The following TBC1D8 variants were observed in gnomAD, a reference collection of about 807,000 sequenced individuals.
The protein encoded by TBC1D8 is TBC1 domain family member 8, also known as BUB2-like protein 1.
A neutral mutation model predicts 118.8 loss-of-function variants in TBC1D8; 65 were observed. The observed-to-expected ratio is 0.55, with a 90% CI of 0.45 to 0.67. The LOEUF (loss-of-function observed/expected upper bound fraction) is 0.67, where lower values mean the gene tolerates loss of function less well. TBC1D8 is among the 30% of genes least tolerant of loss of function. The probability of loss-of-function intolerance (pLI) is 0.00; values close to 1 mark genes in which losing one functional copy is unlikely to be tolerated. For missense variants in TBC1D8, 1,376 were observed against 1,471.2 expected, an observed-to-expected ratio of 0.94 and a Z score of 1.06; for synonymous variants, 566 against 595.8, an observed-to-expected ratio of 0.95 and a Z score of 0.73.
chr2:101,017,631 C>T (rs1679752294), intron 17 of TBC1D8, among the ~76,000 whole-genome samples: 1 of 152,210 alleles, frequency 6.6e-6, no homozygotes, highest in Admixed American at 6.5e-5. Context: ...CTTGGCAAAG[C>T]AGACCATGCT....
intron 1 of TBC1D8, among the ~76,000 whole-genome samples, chr2:101,112,462 G>C (rs775479465): frequency 5.9e-5 from 9 of 152,210 alleles, no homozygotes; most frequent in Middle Eastern, 3.2e-3. Flanking sequence ...AATGGGAGAA[G>C]GAAAACCAAG....
chr2:101,008,848 T>C (rs941140061), intron 19 of TBC1D8, among the ~76,000 whole-genome samples: 1 of 152,008 alleles, frequency 6.6e-6, no homozygotes, highest in Non-Finnish European at 1.5e-5. Context: ...ACGTACAGAT[T>C]TATCTGTAGG....
intron 1 of TBC1D8, among the ~76,000 whole-genome samples, chr2:101,116,839 G>A (rs1165412818): frequency 6.6e-6 from 1 of 151,890 alleles, no homozygotes; most frequent in Non-Finnish European, 1.5e-5. Flanking sequence ...ATGGAGTTTT[G>A]CCATGTTGGC....
chr2:101,114,925 C>T (rs756405027), intron 1 of TBC1D8, among the ~76,000 whole-genome samples: 1 of 152,180 alleles, frequency 6.6e-6, no homozygotes, highest in African/African-American at 2.4e-5. Flanking sequence ...GTGCAGTTGG[C>T]CCCATGGTCC....
At chr2:101,043,143 C>T (rs1225653607) in intron 5 of TBC1D8, among the ~76,000 whole-genome samples, 1 of 152,200 alleles carries the variant, frequency 6.6e-6, no homozygotes, top group Non-Finnish European at 1.5e-5. Flanking sequence ...GGGTCCAGTT[C>T]CTGGGGGCCA....
At chr2:101,109,949 G>A (rs1353035747) in intron 1 of TBC1D8, 11 of 985,296 alleles carry the variant, frequency 1.1e-5, no homozygotes, top group African/African-American at 1.7e-5. Context: ...CCGCCACCTC[G>A]TGCATCCTGC....
rs775959668 is a variant in TBC1D8 at position 101,011,506 on chromosome 2, C to T, written c.2862G>A (p.Pro954=). The T allele has an allele frequency of 1.2e-5, 20 of 1,613,900 alleles. No homozygotes were observed. The highest frequency in any genetic ancestry group is 3.3e-5 in the Admixed American group (2 of 60,016). ...LTENDRDSQS[P]LRNPLLSTSR... ...ATGTTGACAACAGAGGATTCCTCAA[C>T]GGCGACTGGCTGTCTCGGTCATTTT... The change falls in exon 18 of 20, where the codon CCG becomes CCA. Residue 954 remains proline, a synonymous_variant. Coordinates refer to ENST00000409318, the MANE Select transcript of TBC1D8 (RefSeq NM_001330348.2).
intron 5 of TBC1D8, among the ~76,000 whole-genome samples, 189 bp downstream of exon 5, chr2:101,050,207 TAAATG>T (rs1411372572): frequency 6.6e-6 from 1 of 152,216 alleles, no homozygotes; most frequent in East Asian, 1.9e-4. Flanking sequence ...GTCCACTGCA[TAAATG>T]AAATGAGTAA....
intron 2 of TBC1D8, among the ~76,000 whole-genome samples, chr2:101,070,695 G>A (rs764589177): frequency 6.6e-6 from 1 of 152,184 alleles, no homozygotes; most frequent in Non-Finnish European, 1.5e-5. Flanking sequence ...TTACAGGCGT[G>A]AGCCATCGCG....
chr2:101,098,180 G>A (rs891747173), intron 1 of TBC1D8, among the ~76,000 whole-genome samples: 1 of 152,130 alleles, frequency 6.6e-6, no homozygotes, highest in Non-Finnish European at 1.5e-5. Flanking sequence ...AGTACCTGAG[G>A]TCAGGAGTTC....
chr2:101,059,328 G>A, intron 3 of TBC1D8, 93 bp downstream of exon 3: 1 of 939,572 alleles, frequency 1.1e-6, no homozygotes, highest in South Asian at 1.6e-5. Flanking sequence ...AGTTCAGTTA[G>A]TAGGAAAAAC....
At chr2:101,100,572 A>T (rs1370267337) in intron 1 of TBC1D8, among the ~76,000 whole-genome samples, 1 of 152,216 alleles carries the variant, frequency 6.6e-6, no homozygotes, top group Non-Finnish European at 1.5e-5. Flanking sequence ...CTAAACAAAA[A>T]GAACAAAGCT....
intron 2 of TBC1D8, among the ~76,000 whole-genome samples, chr2:101,085,651 G>A (rs1001822988): frequency 6.6e-5 from 10 of 152,144 alleles, no homozygotes; most frequent in Admixed American, 1.3e-4. Context: ...GGATGAGAAC[G>A]CAAGGTTCCA....
intron 2 of TBC1D8, among the ~76,000 whole-genome samples, chr2:101,069,985 G>A (rs1266826092): frequency 2.0e-5 from 3 of 149,318 alleles, no homozygotes; most frequent in Non-Finnish European, 4.5e-5. Context: ...GCGTGATCTC[G>A]GCTCACTGCA....
chr2:101,007,482 G>A lies in TBC1D8; in HGVS notation c.*339C>T, dbSNP rs1197657740. 4.3e-6 allele frequency: 1 copy of A among 232,148 alleles called. No individual in the cohort carries two copies. The highest frequency in any genetic ancestry group is 8.4e-6 in the Non-Finnish European group (1 of 119,726). 14.4% of individuals were successfully genotyped at this position (232,148 alleles called of 1,614,324 possible). ...ACTCCAAGTGAAAAATGAAAGCATG[G>A]GGCTTTTCTTGCTTCTTGGTTAGTA... On this transcript the variant is annotated 3_prime_UTR_variant, in exon 20 of 20. Coordinates refer to ENST00000409318, the MANE Select transcript of TBC1D8 (RefSeq NM_001330348.2).
Position 101,133,550 on chromosome 2 carries a change from T to C in TBC1D8, c.127+17577A>G, listed in dbSNP as rs371801683. Among the ~76,000 whole-genome samples, 6 of 152,242 alleles carry C rather than the reference T, an allele frequency of 3.9e-5. No individual in the cohort carries two copies. The East Asian group carries it at 1.2e-3, about 29-fold the overall frequency. On this transcript the variant is annotated intron_variant, in intron 1 of 19. Coordinates refer to ENST00000409318, the MANE Select transcript of TBC1D8 (RefSeq NM_001330348.2). Reference sequence around the variant, plus strand: ...AAGATCAAGGCACCAGCAGATTTGGTGTCTGGTGAGGGGGGTTCACAGATG... The same window carrying C: ...AAGATCAAGGCACCAGCAGATTTGGCGTCTGGTGAGGGGGGTTCACAGATG...
chr2:101,013,236 T>C (rs1302029782), intron 17 of TBC1D8, among the ~76,000 whole-genome samples: 3 of 152,196 alleles, frequency 2.0e-5, no homozygotes, highest in Admixed American at 2.0e-4. Flanking sequence ...GAACGTCACC[T>C]GGACATGGAA....
chr2:101,028,483 C>A, intron 12 of TBC1D8, 51 bp from the exon 13 acceptor site: 1 of 1,512,554 alleles, frequency 6.6e-7, no homozygotes, highest in Non-Finnish European at 8.8e-7. Context: ...TCGGGTACCA[C>A]AACACGGGCT....
At chr2:101,033,220 G>A (rs1308664474) in intron 10 of TBC1D8, among the ~76,000 whole-genome samples, 1 of 151,840 alleles carries the variant, frequency 6.6e-6, no homozygotes, top group Non-Finnish European at 1.5e-5. Context: ...TGGTTCAAGT[G>A]ATTCTCCTGC....
Sources: allele counts gnomAD v4.1 joint callset (sites outside exome capture counted in the v4.1 genomes callset), GRCh38; gene constraint gnomAD v4.1.1; transcripts MANE v1.5; gene names NCBI Gene and HGNC (gene_info 2026-07-23, HGNC 2026-07-21).